Variants in RAB27A observed in about 807,000 individuals in gnomAD.
RAB27A encodes RAB27A, member RAS oncogene family, also known as ras-related protein Rab-27A.
Under a neutral mutation model 20.8 loss-of-function variants are expected in RAB27A, and 17 were observed. The observed-to-expected ratio is 0.82, with a 90% CI of 0.56 to 1.23. The LOEUF is 1.23. Ranked by LOEUF, RAB27A falls within the 50% of genes most tolerant of loss-of-function variation. The probability of loss-of-function intolerance (pLI) is 0.00; values close to 1 mark genes in which losing one functional copy is unlikely to be tolerated. For synonymous variants in RAB27A, 85 were observed against 92.8 expected, an observed-to-expected ratio of 0.92 and a Z score of 0.48; for missense variants, 277 against 266.7, an observed-to-expected ratio of 1.04 and a Z score of -0.27.
At chr15:55,245,753 A>ATTCC (rs1361637196) in intron 2 of RAB27A, among the ~76,000 whole-genome samples, 1 of 152,234 alleles carries the variant, frequency 6.6e-6, no homozygotes, top group Non-Finnish European at 1.5e-5. Context: ...AGATGGTGAT[A>ATTCC]TTCCACTATA....
intron 2 of RAB27A, among the ~76,000 whole-genome samples, chr15:55,297,068 G>A (rs1035768413): frequency 2.6e-5 from 4 of 152,186 alleles, no homozygotes; most frequent in African/African-American, 7.2e-5. Context: ...AGAGAGGGGA[G>A]GGTAAAGGGA....
At chr15:55,262,425 T>C (rs1897304784) in intron 2 of RAB27A, among the ~76,000 whole-genome samples, 1 of 150,298 alleles carries the variant, frequency 6.7e-6, no homozygotes, top group African/African-American at 2.4e-5. Flanking sequence ...ACCTGTAGTC[T>C]CAGGTACTCG....
At chr15:55,269,909 A>G (rs992327237) in intron 2 of RAB27A, 5 of 152,180 alleles carry the variant, frequency 3.3e-5, no homozygotes, top group African/African-American at 4.8e-5. Flanking sequence ...GAAAGTAAAA[A>G]CCTATGTTTC....
At chr15:55,212,922 G>A (rs995319263) in intron 6 of RAB27A, among the ~76,000 whole-genome samples, 1 of 152,240 alleles carries the variant, frequency 6.6e-6, no homozygotes, top group African/African-American at 2.4e-5. Flanking sequence ...CTTCAAAACT[G>A]TATAGCTGTT....
chr15:55,283,147 T>G (rs1026914279), intron 1 of RAB27A, among the ~76,000 whole-genome samples: 2 of 152,188 alleles, frequency 1.3e-5, no homozygotes, highest in African/African-American at 4.8e-5. Context: ...GATAATCCTT[T>G]GTTGGGGGCT....
intron 6 of RAB27A, among the ~76,000 whole-genome samples, chr15:55,210,779 A>T (rs56328329): frequency 0.27 from 40,686 of 151,878 alleles, 7,079 homozygotes; most frequent in African/African-American, 0.5. Context: ...TATAAATCCC[A>T]TATTTCTATT....
chr15:55,206,390 C>A (rs1387077839), intron 6 of RAB27A: 1 of 359,724 alleles, frequency 2.8e-6, no homozygotes, highest in Non-Finnish European at 3.9e-6. Flanking sequence ...GTCTCTATCA[C>A]CCAGGCTGGA....
intron 1 of RAB27A, among the ~76,000 whole-genome samples, chr15:55,285,327 A>AC (rs1485470324): frequency 1.3e-5 from 2 of 151,068 alleles, no homozygotes; most frequent in African/African-American, 4.9e-5. Flanking sequence ...AAAAAAAAAA[A>AC]CAGGAAAGGA....
intron 2 of RAB27A, chr15:55,314,000 A>T (rs537901077): frequency 2.5e-5 from 4 of 156,982 alleles, no homozygotes; most frequent in Middle Eastern, 3.1e-3. Context: ...ATAAATAAAT[A>T]AATAAATAAA....
chr15:55,291,262 G>A (rs188349166), upstream of RAB27A, among the ~76,000 whole-genome samples: 916 of 152,280 alleles, frequency 6.0e-3, 4 homozygotes, highest in Non-Finnish European at 8.9e-3. Flanking sequence ...TGTAATCCCA[G>A]CACTTTGGGA....
At chr15:55,318,451 TC>T (rs991592545) in intron 1 of RAB27A, among the ~76,000 whole-genome samples, 1 of 145,470 alleles carries the variant, frequency 6.9e-6, no homozygotes, top group African/African-American at 2.5e-5. Flanking sequence ...ACGCCTGTAA[TC>T]CCAACACTTT....
chr15:55,252,416 C>T (rs1896922825), intron 2 of RAB27A, among the ~76,000 whole-genome samples: 1 of 152,056 alleles, frequency 6.6e-6, no homozygotes, highest in East Asian at 1.9e-4. Flanking sequence ...GCCTGGCCAA[C>T]ATGGGGAAAC....
chr15:55,248,426 A>C (rs774631626), intron 2 of RAB27A, among the ~76,000 whole-genome samples: 42 of 152,200 alleles, frequency 2.8e-4, no homozygotes, highest in Non-Finnish European at 2.4e-4. Flanking sequence ...CTTGTAACAC[A>C]CTGAGTTGCT....
chr15:55,231,899 T>TAAC (rs1896043346), intron 3 of RAB27A, among the ~76,000 whole-genome samples: 1 of 151,272 alleles, frequency 6.6e-6, no homozygotes, highest in Non-Finnish European at 1.5e-5. Context: ...AACAAAAGTC[T>TAAC]AACAACAACA....
chr15:55,237,575 T>A (rs1249607419), intron 2 of RAB27A: 1 of 152,120 alleles, frequency 6.6e-6, no homozygotes, highest in Non-Finnish European at 1.5e-5. Flanking sequence ...AGAATTCCTC[T>A]CCAAAAAACG....
chr15:55,301,221 T>C (rs1489642429), intron 2 of RAB27A, among the ~76,000 whole-genome samples: 23 of 152,176 alleles, frequency 1.5e-4, no homozygotes, highest in Admixed American at 1.5e-3. Flanking sequence ...GCCTCCCAAA[T>C]AGCTGGGATC....
chr15:55,309,180 C>T (rs755190704), intron 2 of RAB27A, among the ~76,000 whole-genome samples: 24 of 152,132 alleles, frequency 1.6e-4, no homozygotes, highest in Non-Finnish European at 2.4e-4. Flanking sequence ...TCTATTTCAC[C>T]GTACCTGGGA....
intron 6 of RAB27A, among the ~76,000 whole-genome samples, chr15:55,209,020 TA>T (rs1335151481): frequency 2.0e-5 from 3 of 152,216 alleles, no homozygotes; most frequent in Admixed American, 1.3e-4. Context: ...TTTTATTTTT[TA>T]TTTATGCATA....
At position 55,296,358 on chromosome 15, in the gene RAB27A, T is replaced by C. The variant is rs568189802; in HGVS notation, c.-112+17681A>G. Among the ~76,000 whole-genome samples the C allele has an allele frequency of 5.9e-5, 9 of 151,882 alleles. No individual in the cohort carries two copies. In the East Asian group the frequency reaches 1.2e-3, roughly 20 times the overall value. On this transcript the variant is annotated intron_variant, in intron 2 of 5. Coordinates refer to the RAB27A transcript ENST00000563262. ...TAAAAATACAAAAATTAGCTGGGCG[T>C]GGTGGCACATGCCTGTGGTCCCAGC...
Sources: allele counts gnomAD v4.1 joint callset (sites outside exome capture counted in the v4.1 genomes callset), GRCh38; gene constraint gnomAD v4.1.1; transcripts MANE v1.5; gene names NCBI Gene and HGNC (gene_info 2026-07-23, HGNC 2026-07-21).